The following POC1B variants were observed in gnomAD, a reference collection of about 807,000 sequenced individuals.
POC1B encodes the protein POC1 centriolar protein homolog B.
In POC1B, 44 loss-of-function variants were observed where a neutral mutation model predicts 60.6. That is an observed-to-expected ratio of 0.73 (90% CI 0.57 to 0.93). The LOEUF is 0.93. POC1B is among the 40% of genes least tolerant of loss of function. The pLI is 0.00. For synonymous variants in POC1B, 180 were observed against 198.9 expected, an observed-to-expected ratio of 0.90 and a Z score of 0.80; for missense variants, 555 against 572.3, an observed-to-expected ratio of 0.97 and a Z score of 0.31.
rs538790157 is a variant in POC1B, at chr12:89,511,828, T to C, written c.100+13292A>G. 5.9e-3 allele frequency among the ~76,000 whole-genome samples: 899 copies of C among 152,134 alleles called. 8 individuals are homozygous for C. Among genetic ancestry groups the C allele is most frequent in the African/African-American group, 0.02 (842 of 41,482 alleles). On this transcript the variant is annotated intron_variant, in intron 2 of 11. Coordinates refer to ENST00000313546, the MANE Select transcript of POC1B (RefSeq NM_172240.3). ...CAGCACTTTGGGAGGCCAAGGCAGG[T>C]GAATCACTCGAGTCCAGGAATTTGA...
intron 7 of POC1B, among the ~76,000 whole-genome samples, chr12:89,469,597 G>A (rs530417901): frequency 6.6e-6 from 1 of 152,288 alleles, no homozygotes; most frequent in African/African-American, 2.4e-5. Context: ...GAGAGTAGAA[G>A]GTGTTAGGCT....
chr12:89,502,349 C>T (rs1426097161), intron 2 of POC1B: 132 of 1,611,446 alleles, frequency 8.2e-5, no homozygotes, highest in Admixed American at 4.2e-4. Context: ...CGTTTGAAAC[C>T]TTTGGAGTAC....
chr12:89,411,506 AC>A, the POC1B span, among the ~76,000 whole-genome samples: 6 of 152,166 alleles, frequency 3.9e-5, no homozygotes, highest in East Asian at 5.8e-4. Context: ...CTAAATTAGG[AC>A]CCTCCTAGGC....
At chr12:89,442,113 C>A (rs1881550224) in intron 10 of POC1B, among the ~76,000 whole-genome samples, 1 of 152,136 alleles carries the variant, frequency 6.6e-6, no homozygotes, top group Non-Finnish European at 1.5e-5. Flanking sequence ...TGTGAAAAGA[C>A]CAAATCTACG....
chr12:89,490,311 C>T (rs978619067), intron 4 of POC1B, among the ~76,000 whole-genome samples: 3 of 152,122 alleles, frequency 2.0e-5, no homozygotes, highest in Non-Finnish European at 2.9e-5. Flanking sequence ...CAATCCTTCC[C>T]GCCCAGGCAG....
intron 10 of POC1B, among the ~76,000 whole-genome samples, chr12:89,452,750 A>G (rs1882103799): frequency 6.6e-6 from 1 of 152,132 alleles, no homozygotes; most frequent in Non-Finnish European, 1.5e-5. Context: ...TTACGGTGAT[A>G]CTGTTAGTAA....
chr12:89,483,065 C>T (rs969776543), intron 4 of POC1B, among the ~76,000 whole-genome samples: 1 of 152,138 alleles, frequency 6.6e-6, no homozygotes, highest in Admixed American at 6.5e-5. Context: ...GCATGCTCCA[C>T]CACGCCCAGC....
chr12:89,441,515 G>C (rs537486776), intron 10 of POC1B, among the ~76,000 whole-genome samples: 1 of 152,274 alleles, frequency 6.6e-6, no homozygotes, highest in East Asian at 1.9e-4. Context: ...GTCGGGAGTG[G>C]ACCTCCAGCA....
chr12:89,451,655 T>C (rs541305638), intron 10 of POC1B, among the ~76,000 whole-genome samples: 1 of 152,322 alleles, frequency 6.6e-6, no homozygotes, highest in South Asian at 2.1e-4. Flanking sequence ...AGGTTCTAAA[T>C]CTTTAGAAGC....
At chr12:89,430,850 C>T (rs1417893755) in intron 10 of POC1B, among the ~76,000 whole-genome samples, 1 of 152,052 alleles carries the variant, frequency 6.6e-6, no homozygotes, top group Admixed American at 6.6e-5. Flanking sequence ...ATGGACTGTC[C>T]TGCATCAGCT....
At chr12:89,524,190 T>G in intron 2 of POC1B, 1 of 1,613,998 alleles carries the variant, frequency 6.2e-7, no homozygotes, top group South Asian at 1.1e-5. Flanking sequence ...ACTCATACAT[T>G]CTTTTATCCT....
In POC1B at chr12:89,486,086, C is replaced by G. The variant is rs1868619887; in HGVS notation, c.452+5850G>C. 3.9e-5 allele frequency among the ~76,000 whole-genome samples: 6 copies of G among 152,188 alleles called. No homozygotes were observed. In the South Asian group the frequency reaches 1.2e-3, roughly 31 times the overall value. On this transcript the variant is annotated intron_variant, in intron 4 of 11. Coordinates refer to ENST00000313546, the MANE Select transcript of POC1B (RefSeq NM_172240.3). ...TGTTACCCCCTACATCATTTTTCTC[C>G]AGAGTACTTATCACTAATATATTTG...
chr12:89,525,266 A>T, intron 1 of POC1B, 62 bp from the exon 2 acceptor site: 1 of 1,551,508 alleles, frequency 6.4e-7, no homozygotes, highest in Non-Finnish European at 8.7e-7. Flanking sequence ...GGCGGCTGGG[A>T]TCCACGCTGC....
At chr12:89,495,756 T>TATA (rs2135741655) in intron 3 of POC1B, among the ~76,000 whole-genome samples, 1 of 150,564 alleles carries the variant, frequency 6.6e-6, no homozygotes, top group African/African-American at 2.5e-5. Context: ...ACTTTATTCG[T>TATA]ATTATTATTA....
At chr12:89,492,181 T>A (rs909052378) in intron 3 of POC1B, 66 bp from the exon 4 acceptor site, 4 of 1,242,012 alleles carry the variant, frequency 3.2e-6, no homozygotes, top group Non-Finnish European at 4.3e-6. Flanking sequence ...TTAATCACAA[T>A]ACAGACTTTG....
chr12:89,480,776 A>G (rs1883302311), intron 4 of POC1B, among the ~76,000 whole-genome samples: 2 of 151,738 alleles, frequency 1.3e-5, no homozygotes, highest in South Asian at 4.2e-4. Flanking sequence ...AATTTTTTGT[A>G]TTTTTAGTAG....
chr12:89,502,523 G>C, intron 2 of POC1B: 1 of 1,101,412 alleles, frequency 9.1e-7, no homozygotes, highest in Non-Finnish European at 1.4e-6. Context: ...TGATAACGAT[G>C]AAAGAAAGAC....
intron 10 of POC1B, among the ~76,000 whole-genome samples, chr12:89,439,174 G>A (rs1488360238): frequency 6.6e-6 from 1 of 152,118 alleles, no homozygotes; most frequent in Admixed American, 6.5e-5. Context: ...CAACTGGCAG[G>A]AAGCTTGTTT....
chr12:89,480,360 C>T (rs560933296), intron 4 of POC1B, among the ~76,000 whole-genome samples: 1 of 151,672 alleles, frequency 6.6e-6, no homozygotes, highest in East Asian at 1.9e-4. Flanking sequence ...TGGTCTCAAA[C>T]TCCTGGACTC....
Sources: allele counts gnomAD v4.1 joint callset (sites outside exome capture counted in the v4.1 genomes callset), GRCh38; gene constraint gnomAD v4.1.1; transcripts MANE v1.5; gene names NCBI Gene and HGNC (gene_info 2026-07-23, HGNC 2026-07-21).